Variants in SVIP observed in about 807,000 individuals in gnomAD.
The protein encoded by SVIP is small VCP interacting protein.
Under a neutral mutation model 12.9 loss-of-function variants are expected in SVIP, and 14 were observed. That is an observed-to-expected ratio of 1.08 (90% CI 0.72 to 1.70). The LOEUF is 1.70. Ranked by LOEUF, SVIP falls within the 40% of genes most tolerant of loss-of-function variation. SVIP has a pLI of 0.00. For synonymous variants in SVIP, 35 were observed against 33.3 expected (o/e 1.05, Z -0.17); for missense variants, 93 against 90.8 (o/e 1.02, Z -0.10).
intron 1 of SVIP, 125 bp downstream of exon 1, chr11:22,829,570 G>T (rs1367216036): frequency 4.0e-6 from 4 of 1,006,238 alleles, no homozygotes; most frequent in African/African-American, 3.3e-5. Flanking sequence ...ACCCGTCCTC[G>T]CTAGCAGGGT....
rs1857538760 is a variant in SVIP, at chr11:22,823,066, A to G, written c.*53T>C. 2 of 1,469,822 alleles carry G rather than the reference A, an allele frequency of 1.4e-6. No individual in the cohort carries two copies. Among genetic ancestry groups the G allele is most frequent in the Admixed American group, 2.1e-5 (1 of 46,892 alleles). The allele number at this position is 1,469,822 out of a possible 1,614,324, so 91.0% of individuals were successfully genotyped here. On this transcript the variant is annotated 3_prime_UTR_variant, in exon 4 of 4. Transcript: ENST00000354193. ...AAATTAAATTGATGAAGCCCACTTG[A>G]TTGCAGATAATAAACAGTTATTGGC...
intron 3 of SVIP, among the ~76,000 whole-genome samples, chr11:22,826,345 T>C (rs534424434): frequency 3.7e-4 from 56 of 150,374 alleles, no homozygotes; most frequent in Non-Finnish European, 6.0e-4. Context: ...TCCATGTATA[T>C]GTATGTGCAT....
At chr11:22,829,560 A>G (rs994305051) in intron 1 of SVIP, 135 bp downstream of exon 1, 3 of 875,710 alleles carry the variant, frequency 3.4e-6, no homozygotes, top group African/African-American at 3.5e-5. Context: ...TGACGCGTCC[A>G]CCCGTCCTCG....
rs964007213 is a variant in SVIP, at chr11:22,819,557, G to C, written c.*3562C>G. ...GAGGCCAAGGCGGCAGGGATCACCT[G>C]AGGTCAGGAGTTCGAGACCAGCCTG... On this transcript the variant is annotated 3_prime_UTR_variant, in exon 4 of 4. Coordinates refer to ENST00000354193, the MANE Select transcript of SVIP (RefSeq NM_148893.3). 1 of 152,284 alleles carries C rather than the reference G, an allele frequency of 6.6e-6. No individual in the cohort carries two copies. The highest frequency in any genetic ancestry group is 1.5e-5 in the Non-Finnish European group (1 of 68,108). 9.4% of individuals were successfully genotyped at this position (152,284 alleles called of 1,614,324 possible). A position where few individuals can be genotyped will look rare whatever the true frequency, so the allele number is the denominator to read the frequency against.
At chr11:22,829,279 A>C (rs1271799309) in intron 1 of SVIP, 1 of 167,544 alleles carries the variant, frequency 6.0e-6, no homozygotes, top group African/African-American at 2.4e-5. Context: ...GATGGTAGAC[A>C]CAGTTGAAAA....
intron 3 of SVIP, 40 bp from the exon 4 acceptor site, chr11:22,823,173 T>C: frequency 6.7e-7 from 1 of 1,493,524 alleles, no homozygotes; most frequent in Non-Finnish European, 9.2e-7. Flanking sequence ...TAAATTTTAC[T>C]TGAAGTTATA....
chr11:22,821,189 TA>T lies in SVIP; in HGVS notation c.*1929del, dbSNP rs1335084369. 1 of 149,472 alleles carries T rather than the reference TA, an allele frequency of 6.7e-6. No homozygotes were observed. The highest frequency in any genetic ancestry group is 1.5e-5 in the Non-Finnish European group (1 of 67,472). 9.3% of individuals were successfully genotyped at this position (149,472 alleles called of 1,614,324 possible). A position where few individuals can be genotyped will look rare whatever the true frequency, so the allele number is the denominator to read the frequency against. On this transcript the variant is annotated 3_prime_UTR_variant, in exon 4 of 4. Transcript: ENST00000354193. ...GTTTTTAGTCATTTGCTTTTTTTTT[TA>T]GTCATTTACCGGTTTCTCATAAGAC...
chr11:22,825,849 C>A (rs1319277643), intron 3 of SVIP, among the ~76,000 whole-genome samples: 2 of 152,112 alleles, frequency 1.3e-5, no homozygotes, highest in Non-Finnish European at 2.9e-5. Context: ...TAACTTAATA[C>A]CTTCACCACT....
At chr11:22,827,751 G>C in intron 2 of SVIP, 73 bp downstream of exon 2, 1 of 1,227,460 alleles carries the variant, frequency 8.1e-7, no homozygotes, top group Admixed American at 2.4e-5. Context: ...AGAAAATCTA[G>C]CTATGGACAT....
chr11:22,829,616 A>T (rs918179406), intron 1 of SVIP, 79 bp downstream of exon 1: 58 of 1,446,924 alleles, frequency 4.0e-5, no homozygotes, highest in Non-Finnish European at 5.3e-5. Flanking sequence ...CACCAGGTAC[A>T]ATGGCTCGGC....
intron 3 of SVIP, 144 bp from the exon 4 acceptor site, chr11:22,823,277 T>G: frequency 1.7e-6 from 1 of 600,050 alleles, no homozygotes; most frequent in Non-Finnish European, 2.8e-6. Context: ...TCATAAAATT[T>G]TACATTATAG....
rs543320671 is a variant in SVIP, at chr11:22,824,477, T to C, written c.220-1344A>G. Among the ~76,000 whole-genome samples, 114 of 140,574 alleles carry C rather than the reference T, an allele frequency of 8.1e-4. 1 individual carries two copies. The South Asian group carries it at 0.027, about 33-fold the overall frequency. 92.2% of individuals were successfully genotyped at this position (140,574 alleles called of 152,430 possible). A position where few individuals can be genotyped will look rare whatever the true frequency, so the allele number is the denominator to read the frequency against. ...ATATATATACACATATATATACGTA[T>C]ATATATATGTATATATATACGTATA... On this transcript the variant is annotated intron_variant, in intron 3 of 3. Transcript: ENST00000354193.
chr11:22,821,864 A>T lies in SVIP; in HGVS notation c.*1255T>A, dbSNP rs957047957. On this transcript the variant is annotated 3_prime_UTR_variant, in exon 4 of 4. Coordinates refer to ENST00000354193, the MANE Select transcript of SVIP (RefSeq NM_148893.3). ...ATAGTTCAAACTTTTAAAAATTAACATGTACAATACACTGCAGTATAACAT... is the reference window on the plus strand; with the variant it reads ...ATAGTTCAAACTTTTAAAAATTAACTTGTACAATACACTGCAGTATAACAT... The T allele has an allele frequency of 6.6e-6, 1 of 152,204 alleles. No homozygotes were observed. Among genetic ancestry groups the T allele is most frequent in the African/African-American group, 2.4e-5 (1 of 41,462 alleles). The allele number at this position is 152,204 out of a possible 1,614,324, so 9.4% of individuals were successfully genotyped here.
rs912154197 is a variant in SVIP at position 22,827,219 on chromosome 11, T to G, written c.207A>C (p.Glu69Asp). The stretch of plus-strand genomic sequence containing the variant: ...TTTTAATACTTACCCTAAGTCCACC[T>G]TCTGGTGGGGGCCCGGATGTAGCAA... ...KQIATSGPPP[E>D]GGLRWTVS The change falls in exon 3 of 4, where the codon GAA (glutamate) becomes GAC (aspartate). Residue 69 changes from glutamate (E) to aspartate (D), a missense_variant. Physicochemically the swap from Glu to Asp is conservative, Grantham distance 45. Transcript: ENST00000354193. The G allele has an allele frequency of 1.2e-6, 2 of 1,609,004 alleles. No individual in the cohort carries two copies. Among genetic ancestry groups the G allele is most frequent in the Non-Finnish European group, 1.7e-6 (2 of 1,178,084 alleles).
chr11:22,823,008 CA>C lies in SVIP; in HGVS notation c.*110del, dbSNP rs1335127768. 3 of 961,144 alleles carry C rather than the reference CA, an allele frequency of 3.1e-6. No homozygotes were observed. The highest frequency in any genetic ancestry group is 4.5e-6 in the Non-Finnish European group (3 of 671,490). 59.5% of individuals were successfully genotyped at this position (961,144 alleles called of 1,614,324 possible). On this transcript the variant is annotated 3_prime_UTR_variant, in exon 4 of 4. Transcript: ENST00000354193. ...ATTGCACTTAAGGGCAATAATATTA[CA>C]AAGTCTGAATCTTCATTTACTCAAA...
rs1304098495 is a variant in SVIP, at chr11:22,821,091, G to C, written c.*2028C>G. ...CACACACATATATAAATTAGAATTT[G>C]CAGATATTATGTGTATATATATACA... On this transcript the variant is annotated 3_prime_UTR_variant, in exon 4 of 4. Transcript: ENST00000354193. 6.8e-6 allele frequency: 1 copy of C among 147,230 alleles called. No individual in the cohort carries two copies. Among genetic ancestry groups the C allele is most frequent in the Admixed American group, 6.8e-5 (1 of 14,706 alleles). The allele number at this position is 147,230 out of a possible 1,614,324, so 9.1% of individuals were successfully genotyped here. A position where few individuals can be genotyped will look rare whatever the true frequency, so the allele number is the denominator to read the frequency against.
At chr11:22,828,690 T>G (rs1459922880) in intron 1 of SVIP, among the ~76,000 whole-genome samples, 1 of 152,080 alleles carries the variant, frequency 6.6e-6, no homozygotes, top group Non-Finnish European at 1.5e-5. Flanking sequence ...CATGTTATAT[T>G]TTATCGACAG....
At chr11:22,829,432 A>C in intron 1 of SVIP, 1 of 398,512 alleles carries the variant, frequency 2.5e-6, no homozygotes, top group Non-Finnish European at 4.5e-6. Flanking sequence ...GGCGCAGCTA[A>C]AGTCAGTGGA....
chr11:22,824,793 A>T (rs1457556709), intron 3 of SVIP, among the ~76,000 whole-genome samples: 1 of 152,144 alleles, frequency 6.6e-6, no homozygotes, highest in Non-Finnish European at 1.5e-5. Context: ...GGGAAGCTTA[A>T]AACAGTCCTG....
Sources: gnomAD v4.1 joint callset for allele counts (sites outside exome capture counted in the v4.1 genomes callset) on GRCh38, gnomAD v4.1.1 for gene constraint, MANE v1.5 for transcripts, NCBI Gene and HGNC (gene_info 2026-07-23, HGNC 2026-07-21) for gene names.